The following PHF19 variants were observed in gnomAD, a reference collection of about 807,000 sequenced individuals.
PHF19 encodes the protein polycomb like 3.
In PHF19, 21 loss-of-function variants were observed where a neutral mutation model predicts 79.8. The ratio of observed to expected loss-of-function variants is 0.26; its 90% CI spans 0.19 to 0.38. PHF19 has a LOEUF of 0.38. Ranked by LOEUF, PHF19 falls within the 10% of genes least tolerant of loss-of-function variation. The pLI, the probability that PHF19 is intolerant of heterozygous loss-of-function variation, is 1.00. For missense variants in PHF19, 445 were observed against 744.2 expected (o/e 0.60, Z 4.68); for synonymous variants, 273 against 296.3 (o/e 0.92, Z 0.81).
chr9:120,902,742 T>C, the PHF19 span: 1 of 152,224 alleles, frequency 6.6e-6, no homozygotes, highest in East Asian at 1.9e-4. Context: ...GGATCTGGGA[T>C]TCTGTGCTTT....
chr9:120,901,130 T>C, the PHF19 span, among the ~76,000 whole-genome samples: 2 of 152,116 alleles, frequency 1.3e-5, no homozygotes, highest in African/African-American at 2.4e-5. Context: ...TATGATCTCA[T>C]CGAAGCTGAA....
At chr9:120,896,434 GTTCTTTTTTTTTTT>G (rs2046401586), upstream of PHF19, among the ~76,000 whole-genome samples, 1 of 130,628 alleles carries the variant, frequency 7.7e-6, no homozygotes, top group Admixed American at 8.5e-5. Context: ...TGTTTGTATG[GTTCTTTTTTTTTTT>G]TTCTTTTTTT....
rs1213806128 is a variant in PHF19, at chr9:120,869,870, C to T, written c.440G>A (p.Arg147His). 1.9e-6 allele frequency: 3 copies of T among 1,610,914 alleles called. No individual in the cohort carries two copies. The highest frequency in any genetic ancestry group is 1.1e-5 in the South Asian group (1 of 90,232). Residue 147 changes from arginine (R) to histidine (H), a missense_variant, in exon 5 of 15, where the codon CGC becomes CAC. Arg to His is a conservative substitution (Grantham distance 29). Transcript: ENST00000373896. This position sits in a 1 kb window ranked among gnomAD's most constrained non-coding sequence, Gnocchi z 5.8. ...CCGCACAGCCAGTGCGAAGATGCAG[C>T]GTCGGCAGAACCAAGGTGTGAGCAG... The part of the protein sequence containing the change: ...QPLLTPWFCR[R>H]CIFALAVRKG...
rs1037185852 is a variant in PHF19 at position 120,865,705 on chromosome 9, C to T, written c.900+5G>A. On this transcript the variant is annotated splice_donor_5th_base_variant and intron_variant, in intron 9 of 14. Transcript: ENST00000373896. ...CTGCCACTGACATCCCACAACCCCACATACCTTGCCAAGCTGCAGGAGCTC... is the reference window on the plus strand; with the variant it reads ...CTGCCACTGACATCCCACAACCCCATATACCTTGCCAAGCTGCAGGAGCTC... 2 of 1,614,198 alleles carry T rather than the reference C, an allele frequency of 1.2e-6. No homozygotes were observed. The highest frequency in any genetic ancestry group is 1.7e-6 in the Non-Finnish European group (2 of 1,180,010).
chr9:120,862,525 T>C lies in PHF19; in HGVS notation c.1130+63A>G, dbSNP rs1231529879. 1.3e-6 allele frequency: 2 copies of C among 1,495,180 alleles called. No homozygotes were observed. Among genetic ancestry groups the C allele is most frequent in the African/African-American group, 1.4e-5 (1 of 72,308 alleles). The allele number at this position is 1,495,180 out of a possible 1,614,324, so 92.6% of individuals were successfully genotyped here. ...TGGCTGGGTGCAGGTCCTCCTTGCT[T>C]GCTTGGAAGCAGAGAAACCGAGTTT... On this transcript the variant is annotated intron_variant, in intron 11 of 14. Coordinates refer to ENST00000373896, the MANE Select transcript of PHF19 (RefSeq NM_015651.3). The surrounding 1 kb of genome is among the most constrained non-coding windows in gnomAD (Gnocchi z 4.6).
intron 1 of PHF19, among the ~76,000 whole-genome samples, chr9:120,886,542 A>G (rs1444222817): frequency 6.6e-6 from 1 of 152,226 alleles, no homozygotes; most frequent in Non-Finnish European, 1.5e-5. Flanking sequence ...CGAGTCATTT[A>G]TTCACTCATC....
chr9:120,894,678 G>T, intron 1 of PHF19: 1 of 392,952 alleles, frequency 2.5e-6, no homozygotes, highest in Non-Finnish European at 4.1e-6. Flanking sequence ...TTTGGAATGC[G>T]AGCGCCGCTC....
At chr9:120,877,507 G>A (rs977580858), upstream of PHF19, among the ~76,000 whole-genome samples, 2 of 150,942 alleles carry the variant, frequency 1.3e-5, no homozygotes, top group Admixed American at 1.3e-4. Flanking sequence ...CCCCCGCCGA[G>A]GAGCGGCCAC....
chr9:120,863,575 CG>C (rs898335499), intron 10 of PHF19, among the ~76,000 whole-genome samples: 2 of 152,180 alleles, frequency 1.3e-5, no homozygotes, highest in Non-Finnish European at 2.9e-5. Context: ...GCAGAGGACG[CG>C]GGCACAGCCT....
At chr9:120,859,509 G>T (rs541839347) in intron 14 of PHF19, among the ~76,000 whole-genome samples, 1 of 152,098 alleles carries the variant, frequency 6.6e-6, no homozygotes, top group East Asian at 1.9e-4. Flanking sequence ...CCCTGTGCTC[G>T]ACCACTCCCC....
chr9:120,868,942 G>T, intron 6 of PHF19: 1 of 673,464 alleles, frequency 1.5e-6, no homozygotes, highest in Non-Finnish European at 1.9e-6. Context: ...ACCCCTCGAG[G>T]CCCCACCTCC....
chr9:120,894,922 T>G, upstream of PHF19: 1 of 592,074 alleles, frequency 1.7e-6, no homozygotes, highest in Non-Finnish European at 2.5e-6. Flanking sequence ...GTCGACTCCT[T>G]AAATAACCCA....
At chr9:120,884,034 A>G (rs2046228473) in intron 1 of PHF19, among the ~76,000 whole-genome samples, 1 of 152,210 alleles carries the variant, frequency 6.6e-6, no homozygotes, top group East Asian at 1.9e-4. Flanking sequence ...TGGTCAATAT[A>G]TGAAGTCTAG....
In PHF19 at chr9:120,862,458, C is replaced by T; in HGVS notation, c.1130+130G>A. ...TGGGGATCTGGGATCTGGGATCCCG[C>T]TCAGCCACTATCTAGCCCTCTCAGG... On this transcript the variant is annotated intron_variant, in intron 11 of 14. Transcript: ENST00000373896. This position sits in a 1 kb window ranked among gnomAD's most constrained non-coding sequence, Gnocchi z 4.6. 1 of 733,192 alleles carries T rather than the reference C, an allele frequency of 1.4e-6. No individual in the cohort carries two copies. Among genetic ancestry groups the T allele is most frequent in the Non-Finnish European group, 2.3e-6 (1 of 439,036 alleles). 45.4% of individuals were successfully genotyped at this position (733,192 alleles called of 1,614,324 possible). A position where few individuals can be genotyped will look rare whatever the true frequency, so the allele number is the denominator to read the frequency against.
rs893206832 is a variant in PHF19 at position 120,870,941 on chromosome 9, C to T, written c.269-403G>A. ...TGTTTTGTTGAGATGGAGTCTCTGTCACCCAGGCTGGAGTGCAGTGGTGTG... is the reference window on the plus strand; with the variant it reads ...TGTTTTGTTGAGATGGAGTCTCTGTTACCCAGGCTGGAGTGCAGTGGTGTG... On this transcript the variant is annotated intron_variant, in intron 3 of 14. Coordinates refer to ENST00000373896, the MANE Select transcript of PHF19 (RefSeq NM_015651.3). The surrounding 1 kb of genome is among the most constrained non-coding windows in gnomAD (Gnocchi z 4.4). Among the ~76,000 whole-genome samples the T allele has an allele frequency of 6.6e-6, 1 of 152,200 alleles. No homozygotes were observed. Among genetic ancestry groups the T allele is most frequent in the Non-Finnish European group, 1.5e-5 (1 of 68,036 alleles).
In PHF19 at chr9:120,886,549, C is replaced by A. The variant is rs146240856; in HGVS notation, c.42+8239G>T. On this transcript the variant is annotated intron_variant, in intron 1 of 14. Transcript: ENST00000616568. ...TCAAACCACGAGTCATTTATTCACT[C>A]ATCCTTCACGGCTAACCACAGCATT... 5.7e-4 allele frequency among the ~76,000 whole-genome samples: 87 copies of A among 152,346 alleles called. 1 individual carries two copies. Among genetic ancestry groups the A allele is most frequent in the Non-Finnish European group, 1.0e-3 (68 of 68,042 alleles).
upstream of PHF19, among the ~76,000 whole-genome samples, chr9:120,877,788 C>T (rs1262156086): frequency 6.6e-6 from 1 of 152,142 alleles, no homozygotes; most frequent in Non-Finnish European, 1.5e-5. Context: ...CATGTTGTTC[C>T]GACACAGGTC....
In PHF19 at chr9:120,870,750, T is replaced by C. The variant is rs2045871764; in HGVS notation, c.269-212A>G. Among the ~76,000 whole-genome samples, 1 of 152,222 alleles carries C rather than the reference T, an allele frequency of 6.6e-6. No homozygotes were observed. The highest frequency in any genetic ancestry group is 1.5e-5 in the Non-Finnish European group (1 of 68,044). On this transcript the variant is annotated intron_variant, in intron 3 of 14. Coordinates refer to ENST00000373896, the MANE Select transcript of PHF19 (RefSeq NM_015651.3). The surrounding 1 kb of genome is among the most constrained non-coding windows in gnomAD (Gnocchi z 4.4). ...GGCTCTGAAAGGTTAAGTCCCTTGC[T>C]TAGCTAGTAAGTAGGTGAGGGGGGG...
In PHF19 at chr9:120,874,525, T is replaced by G; in HGVS notation, c.186+31A>C. 1.4e-6 allele frequency: 2 copies of G among 1,426,656 alleles called. No individual in the cohort carries two copies. The highest frequency in any genetic ancestry group is 2.0e-6 in the Non-Finnish European group (2 of 1,014,898). 88.4% of individuals were successfully genotyped at this position (1,426,656 alleles called of 1,614,324 possible). A position where few individuals can be genotyped will look rare whatever the true frequency, so the allele number is the denominator to read the frequency against. On this transcript the variant is annotated intron_variant, in intron 2 of 14. Transcript: ENST00000373896. The surrounding 1 kb of genome is among the most constrained non-coding windows in gnomAD (Gnocchi z 4.5). ...AACATGAGCAGAGAGATTCTGAGTC[T>G]GAGAACAGGGGCCAGAGAGGATGGG... is the stretch of plus-strand genomic sequence containing the variant.
Sources: gnomAD v4.1 joint callset for allele counts (sites outside exome capture counted in the v4.1 genomes callset) on GRCh38, gnomAD v4.1.1 for gene constraint, Gnocchi (gnomAD v3.1) non-coding constraint, MANE v1.5 for transcripts, NCBI Gene and HGNC (gene_info 2026-07-23, HGNC 2026-07-21) for gene names.